Variants in ABCA10 observed in about 807,000 individuals in gnomAD.
ABCA10 encodes the protein ATP binding cassette subfamily A member 10.
A neutral mutation model predicts 187.5 loss-of-function variants in ABCA10; 169 were observed. The ratio of observed to expected loss-of-function variants is 0.90; its 90% CI spans 0.80 to 1.02. ABCA10 has a LOEUF of 1.02. Among genes scored for constraint, ABCA10 ranks in the 50% least tolerant of loss-of-function variants. ABCA10 has a pLI of 0.00. For synonymous variants in ABCA10, 574 were observed against 601.8 expected (o/e 0.95, Z 0.68); for missense variants, 1,727 against 1,812.4 (o/e 0.95, Z 0.86).
chr17:69,161,357 C>T (rs1382560033), intron 27 of ABCA10, among the ~76,000 whole-genome samples: 1 of 152,112 alleles, frequency 6.6e-6, no homozygotes, highest in Non-Finnish European at 1.5e-5. Flanking sequence ...AAAAACTGAA[C>T]TATATATTTA....
intron 25 of ABCA10, among the ~76,000 whole-genome samples, chr17:69,170,052 C>T (rs1361646329): frequency 1.3e-5 from 2 of 152,014 alleles, no homozygotes; most frequent in East Asian, 3.9e-4. Context: ...CTTTGGGAGG[C>T]CAAGGTAGGC....
chr17:69,156,895 A>G lies in ABCA10; in HGVS notation c.3392T>C (p.Phe1131Ser). 6.3e-7 allele frequency: 1 copy of G among 1,589,952 alleles called. No homozygotes were observed. Among genetic ancestry groups the G allele is most frequent in the South Asian group, 1.1e-5 (1 of 87,042 alleles). Reference protein sequence around the residue: ...IPYLQSVIFLFVIRCLEMKYG... With the variant: ...IPYLQSVIFLSVIRCLEMKYG... ...CTTCATTTCCAGACACCTTATGACA[A>G]AAAGGAAAATAACACTCTGAAGGTA... Residue 1131 changes from phenylalanine to serine, a missense_variant, in exon 28 of 39, where the codon TTT becomes TCT. Physicochemically the swap from Phe to Ser is radical, Grantham distance 155. Coordinates refer to ENST00000690296, the MANE Select transcript of ABCA10 (RefSeq NM_001377321.1).
chr17:69,184,949 C>G (rs1472337187), intron 20 of ABCA10, among the ~76,000 whole-genome samples: 1 of 134,490 alleles, frequency 7.4e-6, no homozygotes, highest in Non-Finnish European at 1.6e-5. Context: ...ACACACACAC[C>G]TTGGAATACT....
upstream of ABCA10, chr17:69,228,931 A>G (rs1347022672): frequency 6.6e-6 from 1 of 152,084 alleles, no homozygotes; most frequent in Non-Finnish European, 1.5e-5. Flanking sequence ...AATTGCATGG[A>G]TAACTACATA....
intron 13 of ABCA10, 89 bp downstream of exon 13, chr17:69,193,725 T>C (rs2074478706): frequency 6.4e-7 from 1 of 1,559,468 alleles, no homozygotes; most frequent in African/African-American, 1.4e-5. Flanking sequence ...GCTTTACCTA[T>C]CAAAGAGTAG....
At chr17:69,160,212 C>T (rs975410024) in intron 27 of ABCA10, among the ~76,000 whole-genome samples, 9 of 152,118 alleles carry the variant, frequency 5.9e-5, no homozygotes, top group Admixed American at 5.2e-4. Flanking sequence ...TACAAGAAAA[C>T]ATTTTCAAAT....
intron 9 of ABCA10, among the ~76,000 whole-genome samples, chr17:69,205,154 T>G (rs990790180): frequency 1.1e-4 from 16 of 151,938 alleles, no homozygotes; most frequent in Non-Finnish European, 1.9e-4. Flanking sequence ...AAATTAGATT[T>G]AAAAATACGT....
chr17:69,149,377 A>G (rs1391792946), intron 37 of ABCA10: 7 of 344,448 alleles, frequency 2.0e-5, no homozygotes, highest in East Asian at 5.2e-5. Context: ...AGTTGTCGAG[A>G]ATAATTTATT....
chr17:69,235,737 G>A (rs966614408), intron 1 of ABCA10, among the ~76,000 whole-genome samples: 1 of 151,134 alleles, frequency 6.6e-6, no homozygotes, highest in Non-Finnish European at 1.5e-5. Context: ...CCACCTGGCA[G>A]GATTAGAAAC....
chr17:69,187,790 C>T lies in ABCA10; in HGVS notation c.2221G>A (p.Glu741Lys). ...GCACTACTGACAGCCTTTCTTGTTT[C>T]AGGAAGAGAACAAAGAACCTGTTCC... ...EMEQVLCSLP[E>K]TRKAVSSAAL... Residue 741 changes from glutamate (E) to lysine (K), a missense_variant, in exon 19 of 39, where the codon GAA (glutamate) becomes AAA (lysine). Transcript: ENST00000690296. The T allele has an allele frequency of 6.2e-7, 1 of 1,613,892 alleles. No individual in the cohort carries two copies. The highest frequency in any genetic ancestry group is 8.5e-7 in the Non-Finnish European group (1 of 1,179,800).
rs745367836 is a variant in ABCA10, at chr17:69,160,616, C to CA, written c.3363+3457dup. On this transcript the variant is annotated intron_variant, in intron 27 of 38. Transcript: ENST00000690296. ...GCAAGACTCCAGAAAAACAAACAAA[C>CA]AAACAAAAAAACCAAATAACTTGAA... is the stretch of plus-strand genomic sequence containing the variant. Among the ~76,000 whole-genome samples, 239 of 148,182 alleles carry CA rather than the reference C, an allele frequency of 1.6e-3. 1 individual carries two copies. Among genetic ancestry groups the CA allele is most frequent in the Middle Eastern group, 3.4e-3 (1 of 292 alleles).
chr17:69,224,038 T>C (rs2074773815), intron 3 of ABCA10, among the ~76,000 whole-genome samples: 1 of 152,048 alleles, frequency 6.6e-6, no homozygotes, highest in Admixed American at 6.6e-5. Context: ...ATCAACACTG[T>C]GGTCAGGCAG....
Position 69,195,002 on chromosome 17 carries a change from T to C in ABCA10, c.1235-507A>G, listed in dbSNP as rs145827596. On this transcript the variant is annotated intron_variant, in intron 11 of 38. Coordinates refer to ENST00000690296, the MANE Select transcript of ABCA10 (RefSeq NM_001377321.1). Reference sequence around the variant, plus strand: ...TGGTACTGGTCATCATTTTGCTTTATATCACAAAAGTGTGGGCATGATATT... The same window carrying C: ...TGGTACTGGTCATCATTTTGCTTTACATCACAAAAGTGTGGGCATGATATT... 1.1e-4 allele frequency among the ~76,000 whole-genome samples: 16 copies of C among 152,348 alleles called. No homozygotes were observed. In the East Asian group the frequency reaches 2.5e-3, roughly 24 times the overall value.
At chr17:69,211,339 A>T (rs1330942254) in intron 9 of ABCA10, among the ~76,000 whole-genome samples, 2 of 121,914 alleles carry the variant, frequency 1.6e-5, no homozygotes, top group African/African-American at 6.6e-5. Flanking sequence ...ATATATATAT[A>T]TATATATATA....
chr17:69,229,925 A>C (rs894027703), upstream of ABCA10, among the ~76,000 whole-genome samples: 1 of 152,088 alleles, frequency 6.6e-6, no homozygotes, highest in Non-Finnish European at 1.5e-5. Flanking sequence ...CCAAATTTTT[A>C]AAATATTTTT....
intron 9 of ABCA10, among the ~76,000 whole-genome samples, chr17:69,203,222 G>T (rs1236287320): frequency 6.6e-6 from 1 of 152,034 alleles, no homozygotes; most frequent in African/African-American, 2.4e-5. Context: ...TATGTAAACA[G>T]ATCTAGAGTT....
chr17:69,240,029 C>T (rs758318397), intron 1 of ABCA10, among the ~76,000 whole-genome samples: 1 of 152,160 alleles, frequency 6.6e-6, no homozygotes, highest in African/African-American at 2.4e-5. Flanking sequence ...TGTGTTCTTG[C>T]TAAGAACCAT....
chr17:69,210,166 ATTTCTTTTTTTTTTT>A (rs2074628380), intron 9 of ABCA10, among the ~76,000 whole-genome samples: 1 of 56,228 alleles, frequency 1.8e-5, no homozygotes, highest in African/African-American at 7.0e-5. Context: ...TTTAGTGGTT[ATTTCTTTTTTTTTTT>A]TTTTTTTTTT....
intron 25 of ABCA10, among the ~76,000 whole-genome samples, chr17:69,168,271 A>G (rs1004284488): frequency 6.6e-6 from 1 of 152,266 alleles, no homozygotes; most frequent in African/African-American, 2.4e-5. Context: ...TGAATTTTCA[A>G]TTGCATGAGG....
Sources: gnomAD v4.1 joint callset for allele counts (sites outside exome capture counted in the v4.1 genomes callset) on GRCh38, gnomAD v4.1.1 for gene constraint, MANE v1.5 for transcripts, NCBI Gene and HGNC (gene_info 2026-07-23, HGNC 2026-07-21) for gene names.